PDE1C: variants seen among roughly 807,000 people sequenced by gnomAD.
PDE1C encodes dual specificity calcium/calmodulin-dependent 3',5'-cyclic nucleotide phosphodiesterase 1C.
In PDE1C, 62 loss-of-function variants were observed where a neutral mutation model predicts 93.1. That is an observed-to-expected ratio of 0.67 (90% confidence interval 0.54 to 0.82). The LOEUF (loss-of-function observed/expected upper bound fraction) is 0.82. PDE1C is among the 40% of genes least tolerant of loss of function. The probability of loss-of-function intolerance (pLI) is 0.00; values close to 1 mark genes in which losing one functional copy is unlikely to be tolerated. For missense variants in PDE1C, 742 were observed against 884.6 expected, an observed-to-expected ratio of 0.84 and a Z score of 2.04; for synonymous variants, 325 against 310.1, an observed-to-expected ratio of 1.05 and a Z score of -0.50.
At chr7:31,687,771 G>A in the PDE1C span, among the ~76,000 whole-genome samples, 2 of 152,152 alleles carry the variant, frequency 1.3e-5, no homozygotes, top group Admixed American at 6.5e-5. Context: ...AAAGAGGTTT[G>A]ACAATGAATA....
intron 16 of PDE1C, among the ~76,000 whole-genome samples, chr7:31,803,230 T>G (rs1238670451): frequency 1.3e-5 from 2 of 151,816 alleles, no homozygotes; most frequent in African/African-American, 4.8e-5. Context: ...TATCAGATAT[T>G]GTAGTTTTCA....
chr7:31,909,683 T>C (rs1800996470), intron 2 of PDE1C, among the ~76,000 whole-genome samples: 1 of 152,206 alleles, frequency 6.6e-6, no homozygotes, highest in African/African-American at 2.4e-5. Flanking sequence ...AATGAAGGTA[T>C]ACTTTATGAT....
At chr7:32,050,998 A>G (rs568387204) in intron 2 of PDE1C, among the ~76,000 whole-genome samples, 2 of 152,032 alleles carry the variant, frequency 1.3e-5, no homozygotes, top group East Asian at 3.9e-4. Flanking sequence ...TATGCCAAAG[A>G]GTGCAAAGCA....
chr7:31,739,925 A>G, the PDE1C span, among the ~76,000 whole-genome samples: 3 of 152,236 alleles, frequency 2.0e-5, no homozygotes, highest in Non-Finnish European at 2.9e-5. Flanking sequence ...AGAACACTTT[A>G]AATAATTTAG....
chr7:32,269,415 A>G (rs569470753), intron 1 of PDE1C, among the ~76,000 whole-genome samples: 3 of 152,226 alleles, frequency 2.0e-5, no homozygotes, highest in South Asian at 2.1e-4. Flanking sequence ...GTATATATGC[A>G]TATGGCAGGG....
intron 9 of PDE1C, among the ~76,000 whole-genome samples, chr7:31,841,403 C>G (rs915188098): frequency 2.0e-5 from 3 of 151,964 alleles, no homozygotes; most frequent in Non-Finnish European, 4.4e-5. Context: ...AACATCTTAA[C>G]AATGTTGATG....
In PDE1C at chr7:31,753,198, A is replaced by G; in HGVS notation, c.*186T>C. On this transcript the variant is annotated 3_prime_UTR_variant, in exon 18 of 18. Transcript: ENST00000396191. ...CTGATCCCACATACAGCAATTGAAA[A>G]GTCTATACAAGAACAACAAAGAGGA... 1 of 615,362 alleles carries G rather than the reference A, an allele frequency of 1.6e-6. No individual in the cohort carries two copies. Among genetic ancestry groups the G allele is most frequent in the Non-Finnish European group, 2.6e-6 (1 of 391,954 alleles). 38.1% of individuals were successfully genotyped at this position (615,362 alleles called of 1,614,324 possible).
intron 3 of PDE1C, among the ~76,000 whole-genome samples, chr7:32,110,040 G>A (rs891825046): frequency 5.9e-5 from 9 of 152,138 alleles, no homozygotes; most frequent in Non-Finnish European, 1.3e-4. Flanking sequence ...GCATTTTGGA[G>A]TTGGAAAAGA....
intron 2 of PDE1C, among the ~76,000 whole-genome samples, chr7:32,199,450 G>A (rs1343164326): frequency 6.6e-6 from 1 of 152,106 alleles, no homozygotes; most frequent in East Asian, 1.9e-4. Context: ...GTCTTCCGCA[G>A]TGTTTGACCA....
At chr7:31,807,976 T>C (rs922717854) in intron 16 of PDE1C, among the ~76,000 whole-genome samples, 8 of 151,954 alleles carry the variant, frequency 5.3e-5, no homozygotes, top group African/African-American at 9.6e-5. Flanking sequence ...TATTATGTAA[T>C]AAGACACCTG....
intron 7 of PDE1C, among the ~76,000 whole-genome samples, chr7:31,856,682 CT>C (rs35316004): frequency 0.59 from 71,201 of 120,858 alleles, 17,667 homozygotes; most frequent in Non-Finnish European, 0.64. Context: ...ATATAAGAGG[CT>C]TTTTTTTTTT....
At chr7:31,664,923 C>A in the PDE1C span, among the ~76,000 whole-genome samples, 3 of 152,302 alleles carry the variant, frequency 2.0e-5, no homozygotes, top group East Asian at 5.8e-4. Context: ...CTTTTATAAA[C>A]ATAAATCAGG....
At chr7:31,994,673 C>A (rs1368013185) in intron 2 of PDE1C, among the ~76,000 whole-genome samples, 2 of 152,132 alleles carry the variant, frequency 1.3e-5, no homozygotes, top group Non-Finnish European at 2.9e-5. Context: ...TTAAGTTTCA[C>A]AGGCCCAAAA....
the PDE1C span, among the ~76,000 whole-genome samples, chr7:31,742,694 G>T: frequency 6.6e-6 from 1 of 152,184 alleles, no homozygotes; most frequent in African/African-American, 2.4e-5. Flanking sequence ...ATATAGTTGA[G>T]GGGGAGGACA....
intron 2 of PDE1C, among the ~76,000 whole-genome samples, chr7:32,202,879 A>C (rs763416248): frequency 3.5e-4 from 54 of 152,218 alleles, no homozygotes; most frequent in Non-Finnish European, 7.1e-4. Context: ...ATGTATTTTA[A>C]CGTGAACAAT....
chr7:32,355,063 T>C (rs948568699), intron 1 of PDE1C, among the ~76,000 whole-genome samples: 1 of 152,194 alleles, frequency 6.6e-6, no homozygotes, highest in African/African-American at 2.4e-5. Context: ...AACCCCTGGC[T>C]TTCTCACTCT....
chr7:31,914,268 A>G (rs1801605702), intron 2 of PDE1C, among the ~76,000 whole-genome samples: 11 of 152,218 alleles, frequency 7.2e-5, no homozygotes, highest in Admixed American at 7.2e-4. Context: ...GGTAAAGATT[A>G]TCATGGGAAA....
intron 16 of PDE1C, among the ~76,000 whole-genome samples, chr7:31,805,121 T>G (rs1222868860): frequency 6.6e-6 from 1 of 151,734 alleles, no homozygotes; most frequent in Non-Finnish European, 1.5e-5. Flanking sequence ...AGATGTGCCT[T>G]TGCTCCTCCT....
intron 16 of PDE1C, chr7:31,785,749 A>G (rs914374266): frequency 5.9e-5 from 9 of 152,148 alleles, no homozygotes; most frequent in Non-Finnish European, 1.0e-4. Flanking sequence ...TAAACTGTCT[A>G]ATGCAAATGA....
Sources: allele counts gnomAD v4.1 joint callset (sites outside exome capture counted in the v4.1 genomes callset), GRCh38; gene constraint gnomAD v4.1.1; transcripts MANE v1.5; gene names NCBI Gene and HGNC (gene_info 2026-07-23, HGNC 2026-07-21).